The following C10orf143 variants were observed in gnomAD, a reference collection of about 807,000 sequenced individuals.
C10orf143 encodes chromosome 10 open reading frame 143, also known as uncharacterized protein C10orf143.
intron 1 of C10orf143, among the ~76,000 whole-genome samples, chr10:130,097,579 T>A (rs1385116391): frequency 6.6e-6 from 1 of 152,212 alleles, no homozygotes; most frequent in Admixed American, 6.5e-5. Context: ...AAACCAGCAA[T>A]TCCAGCCCTA....
chr10:130,085,204 G>A (rs1237125104), intron 1 of C10orf143, among the ~76,000 whole-genome samples: 3 of 152,178 alleles, frequency 2.0e-5, no homozygotes, highest in Non-Finnish European at 4.4e-5. Flanking sequence ...AAAGTTTAAG[G>A]AGAAACTGGA....
intron 1 of C10orf143, among the ~76,000 whole-genome samples, chr10:130,109,614 TA>T (rs1333680029): frequency 1.3e-5 from 2 of 152,180 alleles, no homozygotes; most frequent in Non-Finnish European, 2.9e-5. Context: ...ATTACTATAT[TA>T]CTGGGGTAAC....
rs185537987 is a variant in C10orf143, at chr10:130,054,699, A to G, written c.298-18729T>C. ...CCAACACTTGTCTTTTGTTTTTTAA[A>G]TGGGTGTGAGGTGGTATCTCATTGT... is the stretch of plus-strand genomic sequence containing the variant. On this transcript the variant is annotated intron_variant and NMD_transcript_variant, in intron 3 of 5. Coordinates refer to the C10orf143 transcript ENST00000643056. 2.1e-3 allele frequency among the ~76,000 whole-genome samples: 317 copies of G among 152,308 alleles called. 3 individuals are homozygous for G. Among genetic ancestry groups the G allele is most frequent in the African/African-American group, 7.3e-3 (302 of 41,584 alleles).
At chr10:130,036,342 T>C (rs1860545076) in intron 3 of C10orf143, among the ~76,000 whole-genome samples, 2 of 152,170 alleles carry the variant, frequency 1.3e-5, no homozygotes, top group Non-Finnish European at 2.9e-5. Flanking sequence ...ATGGACACCA[T>C]CCACAGACCT....
chr10:130,045,812 G>A (rs751216127), intron 3 of C10orf143, among the ~76,000 whole-genome samples: 1 of 152,204 alleles, frequency 6.6e-6, no homozygotes, highest in African/African-American at 2.4e-5. Context: ...AGTCAGGTCC[G>A]TGTCACCTGT....
At position 130,081,589 on chromosome 10, in the gene C10orf143, T is replaced by C. The variant is rs1040489614; in HGVS notation, c.70-1688A>G. 3.3e-5 allele frequency among the ~76,000 whole-genome samples: 5 copies of C among 152,038 alleles called. No individual in the cohort carries two copies. In the South Asian group the frequency reaches 1.0e-3, roughly 32 times the overall value. The stretch of plus-strand genomic sequence containing the variant: ...TTAAAGGAAAAAACAATGATTTCTA[T>C]AGGGTAGAAATGTAGCCAATACTTT... On this transcript the variant is annotated intron_variant, in intron 1 of 3. Transcript: ENST00000637128.
chr10:130,071,949 A>G (rs181059944), intron 3 of C10orf143, among the ~76,000 whole-genome samples: 1 of 152,042 alleles, frequency 6.6e-6, no homozygotes, highest in Non-Finnish European at 1.5e-5. Flanking sequence ...TTCTACTAAC[A>G]ATGTTAAAGG....
intron 3 of C10orf143, among the ~76,000 whole-genome samples, chr10:130,040,513 C>A (rs936218404): frequency 6.6e-6 from 1 of 152,196 alleles, no homozygotes; most frequent in Non-Finnish European, 1.5e-5. Context: ...GACTCTCCAC[C>A]GCACCCTGCA....
intron 3 of C10orf143, among the ~76,000 whole-genome samples, chr10:130,042,779 C>T (rs1398090691): frequency 1.3e-5 from 2 of 152,206 alleles, no homozygotes; most frequent in African/African-American, 4.8e-5. Flanking sequence ...AAACTGAAAA[C>T]ACAAGTAGGG....
At chr10:130,079,995 AC>A (rs1167556240) in intron 1 of C10orf143, 94 bp from the exon 2 acceptor site, 5 of 397,830 alleles carry the variant, frequency 1.3e-5, no homozygotes, top group Non-Finnish European at 2.2e-5. Context: ...GCAAATACAG[AC>A]CCCTGTGGAG....
At chr10:130,055,370 A>G (rs1322643733) in intron 3 of C10orf143, among the ~76,000 whole-genome samples, 2 of 152,236 alleles carry the variant, frequency 1.3e-5, no homozygotes, top group Non-Finnish European at 2.9e-5. Context: ...TAAAAGGTCA[A>G]TTACCAAAAT....
At chr10:130,106,030 G>A in intron 1 of C10orf143, 1 of 508,616 alleles carries the variant, frequency 2.0e-6, no homozygotes, top group Non-Finnish European at 3.8e-6. Flanking sequence ...GCGACCGCCA[G>A]AGCAGCCTTG....
intron 1 of C10orf143, chr10:130,107,373 C>G: frequency 9.1e-7 from 1 of 1,096,808 alleles, no homozygotes; most frequent in Non-Finnish European, 1.4e-6. Flanking sequence ...TTGGAGAGAA[C>G]TATTCATTAT....
At position 130,105,909 on chromosome 10, in the gene C10orf143, C is replaced by G; in HGVS notation, c.69+4795G>C. On this transcript the variant is annotated intron_variant, in intron 1 of 3. Coordinates refer to ENST00000637128, the MANE Select transcript of C10orf143 (RefSeq NM_001355042.2). ...CTGTGAGCGCCCGCATCCCCCAGCT[C>G]CCCCCCGCAGCCGGCTCCACAATGG... 3 of 364,674 alleles carry G rather than the reference C, an allele frequency of 8.2e-6. No individual in the cohort carries two copies. In the East Asian group the frequency reaches 2.2e-4, roughly 27 times the overall value. The allele number at this position is 364,674 out of a possible 1,614,324, so 22.6% of individuals were successfully genotyped here.
chr10:130,103,052 C>T (rs1861584526), intron 1 of C10orf143, among the ~76,000 whole-genome samples: 1 of 151,518 alleles, frequency 6.6e-6, no homozygotes, highest in Non-Finnish European at 1.5e-5. Context: ...GATCTCGGCT[C>T]ACTGCAACCT....
At position 130,097,326 on chromosome 10, in the gene C10orf143, G is replaced by A. The variant is rs562871491; in HGVS notation, c.69+13378C>T. Among the ~76,000 whole-genome samples, 10 of 152,214 alleles carry A rather than the reference G, an allele frequency of 6.6e-5. No individual in the cohort carries two copies. The South Asian group carries it at 1.0e-3, about 16-fold the overall frequency. On this transcript the variant is annotated intron_variant, in intron 1 of 3. Coordinates refer to ENST00000637128, the MANE Select transcript of C10orf143 (RefSeq NM_001355042.2). The stretch of plus-strand genomic sequence containing the variant: ...CCAGCATTTTGGGAGGCTGACTTGG[G>A]AAGATCATTTGAGGCCAGGGTTTGA...
intron 1 of C10orf143, among the ~76,000 whole-genome samples, chr10:130,099,996 C>T (rs367595013): frequency 6.7e-6 from 1 of 150,274 alleles, no homozygotes; most frequent in East Asian, 2.1e-4. Context: ...CGCCACCACA[C>T]CCGGCTAATT....
chr10:130,050,101 G>A (rs539619931), intron 3 of C10orf143, among the ~76,000 whole-genome samples: 7 of 152,336 alleles, frequency 4.6e-5, no homozygotes, highest in African/African-American at 1.7e-4. Context: ...GGCGGGGCAG[G>A]ATTCAAAAAC....
downstream of C10orf143, among the ~76,000 whole-genome samples, chr10:130,059,728 AAGAG>A (rs1008613140): frequency 1.3e-5 from 2 of 151,358 alleles, no homozygotes; most frequent in South Asian, 2.1e-4. Flanking sequence ...GTGGAGGGGA[AAGAG>A]AGAGAGAGAG....
Sources: allele counts gnomAD v4.1 joint callset (sites outside exome capture counted in the v4.1 genomes callset), GRCh38; gene constraint gnomAD v4.1.1; transcripts MANE v1.5; gene names NCBI Gene and HGNC (gene_info 2026-07-23, HGNC 2026-07-21).